TCF7L2: variants seen among roughly 807,000 people sequenced by gnomAD.
TCF7L2 encodes the protein transcription factor 7-like 2.
In TCF7L2, 23 loss-of-function variants were observed where a neutral mutation model predicts 77.9. That is an observed-to-expected ratio of 0.30 (90% CI 0.21 to 0.42). The LOEUF (loss-of-function observed/expected upper bound fraction) is 0.42. Among genes scored for constraint, TCF7L2 ranks in the 10% least tolerant of loss-of-function variants. The pLI is 1.00. For missense variants in TCF7L2, 654 were observed against 793.1 expected, an observed-to-expected ratio of 0.82 and a Z score of 2.11; for synonymous variants, 413 against 340.2, an observed-to-expected ratio of 1.21 and a Z score of -2.36.
intron 3 of TCF7L2, among the ~76,000 whole-genome samples, chr10:112,958,970 T>C (rs1237314138): frequency 2.6e-5 from 4 of 152,244 alleles, no homozygotes; most frequent in African/African-American, 9.6e-5. Flanking sequence ...GTTAGGAACA[T>C]GTCTCAGCAC....
intron 5 of TCF7L2, among the ~76,000 whole-genome samples, chr10:113,133,833 TACAAATA>T (rs2066970480): frequency 6.6e-6 from 1 of 152,084 alleles, no homozygotes; most frequent in Non-Finnish European, 1.5e-5. Context: ...TAATTTACAA[TACAAATA>T]AGCAGCACCC....
intron 5 of TCF7L2, among the ~76,000 whole-genome samples, chr10:113,136,339 GA>G (rs1358250236): frequency 2.6e-5 from 4 of 152,182 alleles, no homozygotes; most frequent in African/African-American, 9.7e-5. Context: ...ATTTCGTCTA[GA>G]AAAGGTGTTC....
rs1564916221 is a variant in TCF7L2 at position 113,117,397 on chromosome 10, CTCTCTCTCTCTCTCTCTCTCTCTCT to C, written c.553-23786_553-23762del. 5.8e-3 allele frequency among the ~76,000 whole-genome samples: 219 copies of C among 37,728 alleles called. 4 individuals are homozygous for C. Among genetic ancestry groups the C allele is most frequent in the Admixed American group, 0.01 (40 of 3,876 alleles). 24.8% of individuals were successfully genotyped at this position (37,728 alleles called of 152,430 possible). On this transcript the variant is annotated intron_variant, in intron 5 of 13. Transcript: ENST00000627217. ...TCTCTCTCTCTCTCTCTCTCTCTCT[CTCTCTCTCTCTCTCTCTCTCTCTCT>C]CTCTCTCTCTCCCTCTCTCTCTCTC...
intron 4 of TCF7L2, among the ~76,000 whole-genome samples, chr10:112,981,409 A>T: frequency 6.6e-6 from 1 of 152,224 alleles, no homozygotes; most frequent in East Asian, 1.9e-4. Context: ...CTATCAGAAA[A>T]TAAATCCTAA....
chr10:113,087,733 A>G (rs139196859), intron 5 of TCF7L2, among the ~76,000 whole-genome samples: 544 of 152,258 alleles, frequency 3.6e-3, no homozygotes, highest in Non-Finnish European at 5.9e-3. Context: ...AAATCCAGAC[A>G]CAAGGTCAGC....
chr10:113,024,965 G>A (rs2048888946), intron 4 of TCF7L2, among the ~76,000 whole-genome samples: 2 of 152,086 alleles, frequency 1.3e-5, no homozygotes, highest in South Asian at 4.1e-4. Context: ...AATAATTTTT[G>A]TGCATGAAAC....
At chr10:113,087,501 G>A (rs1460433833) in intron 5 of TCF7L2, among the ~76,000 whole-genome samples, 1 of 152,210 alleles carries the variant, frequency 6.6e-6, no homozygotes, top group East Asian at 1.9e-4. Flanking sequence ...GAATAGGATA[G>A]CCTTAGCTGT....
At chr10:112,972,706 A>G (rs1311451756) in intron 4 of TCF7L2, among the ~76,000 whole-genome samples, 1 of 152,066 alleles carries the variant, frequency 6.6e-6, no homozygotes, top group Non-Finnish European at 1.5e-5. Context: ...CCTGAGCTCA[A>G]GCTCTCCGCC....
chr10:113,033,984 T>G (rs2050691629), intron 4 of TCF7L2, among the ~76,000 whole-genome samples: 1 of 152,238 alleles, frequency 6.6e-6, no homozygotes, highest in East Asian at 1.9e-4. Flanking sequence ...ATTAAATTAA[T>G]CACAACTTCT....
rs115920371 is a variant in TCF7L2 at position 113,139,848 on chromosome 10, G to A, written c.553-1336G>A. Among the ~76,000 whole-genome samples the A allele has an allele frequency of 8.2e-3, 1,215 of 147,398 alleles. 17 individuals are homozygous for A. Among genetic ancestry groups the A allele is most frequent in the African/African-American group, 0.028 (1,117 of 40,144 alleles). On this transcript the variant is annotated intron_variant, in intron 5 of 13. Transcript: ENST00000627217. ...AAAAAAAAGGACAAGAAGAGAAATAGTAAAGAGAACTAACTGCTTAGTGAT... is the reference window on the plus strand; with the variant it reads ...AAAAAAAAGGACAAGAAGAGAAATAATAAAGAGAACTAACTGCTTAGTGAT...
At chr10:113,142,311 G>A (rs1197856860) in intron 6 of TCF7L2, among the ~76,000 whole-genome samples, 1 of 152,166 alleles carries the variant, frequency 6.6e-6, no homozygotes, top group East Asian at 1.9e-4. Context: ...TTTTATCCCA[G>A]TTGTTCATTG....
chr10:113,161,291 G>A (rs1266822439), intron 13 of TCF7L2: 2 of 464,748 alleles, frequency 4.3e-6, no homozygotes, highest in Admixed American at 7.4e-5. Flanking sequence ...AGGGCTGCAA[G>A]CAGTGAGTCA....
intron 8 of TCF7L2, among the ~76,000 whole-genome samples, chr10:113,148,613 G>T (rs1014203839): frequency 6.6e-6 from 1 of 152,142 alleles, no homozygotes; most frequent in Non-Finnish European, 1.5e-5. Flanking sequence ...AAAATTAGTT[G>T]TTCTTAACAA....
chr10:113,078,765 T>A (rs1019153816), intron 5 of TCF7L2, among the ~76,000 whole-genome samples: 1 of 152,116 alleles, frequency 6.6e-6, no homozygotes, highest in African/African-American at 2.4e-5. Context: ...TCCCTTGTCT[T>A]CATTTTCACG....
At chr10:113,014,173 G>A (rs1327072884) in intron 4 of TCF7L2, among the ~76,000 whole-genome samples, 2 of 152,148 alleles carry the variant, frequency 1.3e-5, no homozygotes, top group African/African-American at 2.4e-5. Flanking sequence ...TTCCCAGGTC[G>A]GCATTCAGCT....
At chr10:113,005,430 C>T (rs1169532553) in intron 4 of TCF7L2, among the ~76,000 whole-genome samples, 1 of 152,124 alleles carries the variant, frequency 6.6e-6, no homozygotes, top group East Asian at 1.9e-4. Flanking sequence ...CATGACCTGG[C>T]TGAATTCTAA....
At chr10:112,999,273 T>C (rs1170789913) in intron 4 of TCF7L2, among the ~76,000 whole-genome samples, 1 of 152,256 alleles carries the variant, frequency 6.6e-6, no homozygotes, top group Admixed American at 6.5e-5. Flanking sequence ...TTGCCTTCTG[T>C]GTGGCTAAGT....
Position 113,166,620 on chromosome 10 carries a change from G to A in TCF7L2, c.*648G>A, listed in dbSNP as rs916358072. Reference sequence around the variant, plus strand: ...CACTTAATAGAATCACAACGCTGTTGGGCCAGTAGTATTTATTGCTTTAGA... The same window carrying A: ...CACTTAATAGAATCACAACGCTGTTAGGCCAGTAGTATTTATTGCTTTAGA... On this transcript the variant is annotated 3_prime_UTR_variant, in exon 14 of 14. Transcript: ENST00000627217. The A allele has an allele frequency of 1.7e-5, 4 of 230,386 alleles. No homozygotes were observed. In the South Asian group the frequency reaches 5.5e-4, roughly 31 times the overall value. 14.3% of individuals were successfully genotyped at this position (230,386 alleles called of 1,614,324 possible). A position where few individuals can be genotyped will look rare whatever the true frequency, so the allele number is the denominator to read the frequency against.
intron 5 of TCF7L2, among the ~76,000 whole-genome samples, chr10:113,093,870 A>T (rs759901052): frequency 3.4e-4 from 51 of 152,200 alleles, no homozygotes; most frequent in Non-Finnish European, 6.0e-4. Flanking sequence ...AGTCAATACC[A>T]TTTTCACGGA....
Sources: gnomAD v4.1 joint callset for allele counts (sites outside exome capture counted in the v4.1 genomes callset) on GRCh38, gnomAD v4.1.1 for gene constraint, MANE v1.5 for transcripts, NCBI Gene and HGNC (gene_info 2026-07-23, HGNC 2026-07-21) for gene names.